The following LASP1 variants were observed in gnomAD, a reference collection of about 807,000 sequenced individuals.
LASP1 encodes LIM and SH3 domain protein 1.
In LASP1, 10 loss-of-function variants were observed where a neutral mutation model predicts 38.6. The observed-to-expected ratio is 0.26, with a 90% CI of 0.16 to 0.44. The LOEUF (loss-of-function observed/expected upper bound fraction) is 0.44. LASP1 is among the 20% of genes least tolerant of loss of function. The pLI is 1.00. For synonymous variants in LASP1, 132 were observed against 140.8 expected (o/e 0.94, Z 0.44); for missense variants, 243 against 375.7 (o/e 0.65, Z 2.92).
chr17:38,873,654 A>G (rs370502499), intron 1 of LASP1, among the ~76,000 whole-genome samples: 91 of 152,310 alleles, frequency 6.0e-4, no homozygotes, highest in South Asian at 4.4e-3. Flanking sequence ...GCGTGGGGCC[A>G]CTGGGAATAA....
intron 2 of LASP1, among the ~76,000 whole-genome samples, chr17:38,884,856 AAT>A (rs978975776): frequency 3.3e-5 from 5 of 150,988 alleles, no homozygotes; most frequent in Admixed American, 6.6e-5. Flanking sequence ...ACGCCCGGCT[AAT>A]TTTTGTATTT....
intron 2 of LASP1, among the ~76,000 whole-genome samples, chr17:38,879,219 G>A (rs1379041767): frequency 3.4e-5 from 5 of 148,098 alleles, no homozygotes; most frequent in Admixed American, 2.0e-4. Flanking sequence ...GCAGTGGCGC[G>A]ATCTTGGCTC....
At position 38,919,517 on chromosome 17, in the gene LASP1, G is replaced by A. The variant is rs1379740375; in HGVS notation, c.*739G>A. The A allele has an allele frequency of 4.1e-6, 1 of 244,534 alleles. No homozygotes were observed. The allele number at this position is 244,534 out of a possible 1,614,324, so 15.1% of individuals were successfully genotyped here. A position where few individuals can be genotyped will look rare whatever the true frequency, so the allele number is the denominator to read the frequency against. On this transcript the variant is annotated 3_prime_UTR_variant, in exon 7 of 7. Transcript: ENST00000318008. ...TTCTTAATTTTAGGGACAGCTACCGGAAGGAGGGGAACAAGGAGTTCTCTT... is the reference window on the plus strand; with the variant it reads ...TTCTTAATTTTAGGGACAGCTACCGAAAGGAGGGGAACAAGGAGTTCTCTT...
chr17:38,910,682 G>A (rs992896901), intron 4 of LASP1, among the ~76,000 whole-genome samples: 1 of 150,954 alleles, frequency 6.6e-6, no homozygotes, highest in Non-Finnish European at 1.5e-5. Flanking sequence ...CCCAGAACCC[G>A]CATTCTAACA....
At chr17:38,877,027 A>G (rs914695002) in intron 1 of LASP1, among the ~76,000 whole-genome samples, 7 of 152,184 alleles carry the variant, frequency 4.6e-5, no homozygotes, top group African/African-American at 1.7e-4. Context: ...ACACGCATGA[A>G]TGGATTGGAG....
At chr17:38,892,043 C>T (rs1166997004) in intron 3 of LASP1, among the ~76,000 whole-genome samples, 2 of 152,040 alleles carry the variant, frequency 1.3e-5, no homozygotes, top group Non-Finnish European at 2.9e-5. Flanking sequence ...GAGCCATGAT[C>T]GCACCACTAC....
intron 3 of LASP1, among the ~76,000 whole-genome samples, chr17:38,891,556 T>TGA (rs533909528): frequency 6.6e-6 from 1 of 152,246 alleles, no homozygotes; most frequent in South Asian, 2.1e-4. Context: ...GCTGAGGTCC[T>TGA]GCGGGTAGGA....
chr17:38,901,969 G>A (rs1290733071), intron 4 of LASP1, among the ~76,000 whole-genome samples: 2 of 152,008 alleles, frequency 1.3e-5, no homozygotes, highest in South Asian at 2.1e-4. Context: ...GGGTTTCGCC[G>A]TGTTAGCCAG....
chr17:38,890,959 G>A (rs998157255), intron 3 of LASP1, among the ~76,000 whole-genome samples: 2 of 152,188 alleles, frequency 1.3e-5, no homozygotes, highest in African/African-American at 2.4e-5. Flanking sequence ...CTGCCATGGG[G>A]GCACAGGATA....
intron 2 of LASP1, among the ~76,000 whole-genome samples, chr17:38,887,340 C>G (rs1317102269): frequency 7.2e-5 from 11 of 152,192 alleles, no homozygotes; most frequent in Non-Finnish European, 8.8e-5. Flanking sequence ...GAAGCGCTCC[C>G]TCTTAGGGCC....
At position 38,918,240 on chromosome 17, in the gene LASP1, C is replaced by T. The variant is rs112436484; in HGVS notation, c.613-365C>T. Among the ~76,000 whole-genome samples, 3,129 of 152,176 alleles carry T rather than the reference C, an allele frequency of 0.021. 41 individuals carry two copies. Among genetic ancestry groups the T allele is most frequent in the Non-Finnish European group, 0.033 (2,266 of 68,006 alleles). ...GCAGTTCTCCTGCCTTGGCCTCCCA[C>T]AGTGCTGGGATTACAGGCGTGAGCC... is the stretch of plus-strand genomic sequence containing the variant. On this transcript the variant is annotated intron_variant, in intron 6 of 6. Coordinates refer to ENST00000318008, the MANE Select transcript of LASP1 (RefSeq NM_006148.4). The surrounding 1 kb of genome is among the most constrained non-coding windows in gnomAD (Gnocchi z 4.4).
At chr17:38,886,697 G>C (rs1914149825) in intron 2 of LASP1, among the ~76,000 whole-genome samples, 1 of 151,958 alleles carries the variant, frequency 6.6e-6, no homozygotes, top group Non-Finnish European at 1.5e-5. Flanking sequence ...CACAGTGTGG[G>C]GTGCAGGGGG....
At chr17:38,916,928 C>T (rs573728587) in intron 6 of LASP1, 3 of 152,180 alleles carry the variant, frequency 2.0e-5, no homozygotes, top group African/African-American at 2.4e-5. Context: ...AGGAGTGAGC[C>T]GTGCAACGAG....
intron 2 of LASP1, among the ~76,000 whole-genome samples, chr17:38,884,366 C>T (rs1297971931): frequency 2.0e-5 from 3 of 148,986 alleles, no homozygotes; most frequent in Admixed American, 2.0e-4. Context: ...TCTTCAGTAT[C>T]ATATCCTTTT....
chr17:38,907,720 G>A (rs1475854660), intron 4 of LASP1, among the ~76,000 whole-genome samples: 1 of 152,118 alleles, frequency 6.6e-6, no homozygotes. Context: ...TCCAGCCGTC[G>A]GGTCAGCCAG....
intron 1 of LASP1, among the ~76,000 whole-genome samples, chr17:38,877,424 G>A (rs1048689495): frequency 6.6e-6 from 1 of 152,172 alleles, no homozygotes; most frequent in Non-Finnish European, 1.5e-5. Flanking sequence ...CCTCCTCCTG[G>A]GGTGGGAGAG....
chr17:38,909,811 G>A (rs933174030), intron 4 of LASP1, among the ~76,000 whole-genome samples: 6 of 152,014 alleles, frequency 3.9e-5, no homozygotes, highest in African/African-American at 9.7e-5. Flanking sequence ...ACAGTGGCTC[G>A]ATCTCAGCTC....
chr17:38,879,650 T>A (rs918612606), intron 2 of LASP1, among the ~76,000 whole-genome samples: 2 of 151,452 alleles, frequency 1.3e-5, no homozygotes, highest in Non-Finnish European at 2.9e-5. Flanking sequence ...GGGACTTGTC[T>A]AAAAAGGGGG....
At chr17:38,903,037 C>T (rs945179868) in intron 4 of LASP1, among the ~76,000 whole-genome samples, 4 of 152,174 alleles carry the variant, frequency 2.6e-5, no homozygotes, top group Admixed American at 1.3e-4. Flanking sequence ...GGCCATCTTA[C>T]AAAAGAATGA....
Sources: allele counts gnomAD v4.1 joint callset (sites outside exome capture counted in the v4.1 genomes callset), GRCh38; gene constraint gnomAD v4.1.1; non-coding constraint Gnocchi (gnomAD v3.1); transcripts MANE v1.5; gene names NCBI Gene and HGNC (gene_info 2026-07-23, HGNC 2026-07-21).